The following CLVS1 variants were observed in gnomAD, a reference collection of about 807,000 sequenced individuals.
CLVS1 encodes clavesin 1.
CLVS1 carries 10 observed loss-of-function variants against 33.1 expected under a neutral mutation model. The observed-to-expected ratio is 0.30, with a 90% CI of 0.19 to 0.51. The LOEUF is 0.51. Among genes scored for constraint, CLVS1 ranks in the 20% least tolerant of loss-of-function variants. The pLI is 0.97. For synonymous variants in CLVS1, 163 were observed against 166.1 expected (o/e 0.98, Z 0.14); for missense variants, 343 against 433.4 (o/e 0.79, Z 1.85).
intron 3 of CLVS1, among the ~76,000 whole-genome samples, chr8:61,446,041 T>C (rs1286902358): frequency 1.3e-5 from 2 of 152,174 alleles, no homozygotes; most frequent in African/African-American, 4.8e-5. Context: ...ATTTGTGACT[T>C]CTTTTTTTGT....
chr8:61,199,251 A>G (rs1015918350), intron 2 of CLVS1, among the ~76,000 whole-genome samples: 1 of 152,248 alleles, frequency 6.6e-6, no homozygotes, highest in Non-Finnish European at 1.5e-5. Flanking sequence ...CCAAAAATAA[A>G]TAAATGAGAC....
intron 2 of CLVS1, among the ~76,000 whole-genome samples, chr8:61,254,726 G>C (rs546303223): frequency 6.6e-6 from 1 of 152,134 alleles, no homozygotes; most frequent in Non-Finnish European, 1.5e-5. Flanking sequence ...AGCCAGGCAC[G>C]GGATATAATC....
At chr8:61,003,863 TATAG>T in the CLVS1 span, among the ~76,000 whole-genome samples, 1 of 152,058 alleles carries the variant, frequency 6.6e-6, no homozygotes, top group African/African-American at 2.4e-5. Context: ...CACAAGTAAA[TATAG>T]ATACACAATA....
intron 2 of CLVS1, among the ~76,000 whole-genome samples, chr8:61,248,892 C>T (rs994669938): frequency 2.6e-5 from 4 of 151,938 alleles, no homozygotes; most frequent in African/African-American, 7.3e-5. Context: ...AATGAGGGAT[C>T]GTCAACTATG....
At chr8:60,980,352 C>A in the CLVS1 span, among the ~76,000 whole-genome samples, 1 of 152,166 alleles carries the variant, frequency 6.6e-6, no homozygotes, top group Non-Finnish European at 1.5e-5. Flanking sequence ...TCTTTGAAAG[C>A]ATTTTATGTC....
intron 5 of CLVS1, among the ~76,000 whole-genome samples, chr8:61,487,237 C>T (rs887642692): frequency 6.6e-6 from 1 of 152,102 alleles, no homozygotes; most frequent in African/African-American, 2.4e-5. Flanking sequence ...TGGATGTTCC[C>T]TGGACTTGTT....
rs1585611442 is a variant in CLVS1, at chr8:61,102,042, G to T, written c.-242-29728G>T. Among the ~76,000 whole-genome samples, 3 of 152,002 alleles carry T rather than the reference G, an allele frequency of 2.0e-5. No homozygotes were observed. The South Asian group carries it at 6.2e-4, about 31-fold the overall frequency. On this transcript the variant is annotated intron_variant, in intron 1 of 2. Transcript: ENST00000522621. ...TGGGAAATGTGAGTTTTCCAACTTG[G>T]TTTTTTCTTTTCAAGACAGTTTTGA... is the stretch of plus-strand genomic sequence containing the variant.
intron 4 of CLVS1, 99 bp from the exon 5 acceptor site, chr8:61,458,208 G>A (rs1159993091): frequency 1.2e-6 from 1 of 806,696 alleles, no homozygotes; most frequent in Admixed American, 2.2e-5. Context: ...ATCACCAGCA[G>A]TGCATCCAAT....
intron 1 of CLVS1, among the ~76,000 whole-genome samples, chr8:61,105,945 C>T (rs1805529494): frequency 6.6e-6 from 1 of 152,166 alleles, no homozygotes; most frequent in African/African-American, 2.4e-5. Context: ...GTCTGTCTGC[C>T]TCCAGGGATC....
chr8:61,171,464 C>G (rs143806185), intron 2 of CLVS1, among the ~76,000 whole-genome samples: 1,531 of 152,166 alleles, frequency 0.01, 12 homozygotes, highest in Non-Finnish European at 0.015. Context: ...AGGAAGTGAT[C>G]AGAATGTAAA....
intron 2 of CLVS1, among the ~76,000 whole-genome samples, chr8:61,334,286 G>A (rs1272408985): frequency 1.3e-5 from 2 of 152,190 alleles, no homozygotes; most frequent in Non-Finnish European, 2.9e-5. Context: ...AACAAATTTG[G>A]TTAACAAGCA....
At chr8:61,474,875 C>T (rs1817859509) in intron 5 of CLVS1, among the ~76,000 whole-genome samples, 1 of 152,134 alleles carries the variant, frequency 6.6e-6, no homozygotes. Flanking sequence ...ATACATGTGC[C>T]ATGTTGGTGT....
In CLVS1 at chr8:61,071,696, T is replaced by C. The variant is rs144941948; in HGVS notation, c.-243+14466T>C. On this transcript the variant is annotated intron_variant, in intron 1 of 2. Transcript: ENST00000522621. ...ATGGTATCTTACGCCAAATTTCACC[T>C]GCCCTTTTCCTACCCAGTCACATAT... Among the ~76,000 whole-genome samples, 1,090 of 152,312 alleles carry C rather than the reference T, an allele frequency of 7.2e-3. 9 individuals are homozygous for C. The highest frequency in any genetic ancestry group is 0.025 in the African/African-American group (1,043 of 41,558).
rs112574350 is a variant in CLVS1 at position 61,379,511 on chromosome 8, C to T, written c.630+2732C>T. Among the ~76,000 whole-genome samples, 816 of 152,198 alleles carry T rather than the reference C, an allele frequency of 5.4e-3. 5 individuals carry two copies. Among genetic ancestry groups the T allele is most frequent in the African/African-American group, 0.018 (738 of 41,520 alleles). ...AAGGTCATTCTGGGTCAATCCTGCA[C>T]GTTGCATCACAGCATGGTTCCAGAA... On this transcript the variant is annotated intron_variant, in intron 3 of 5. Transcript: ENST00000325897.
rs149896028 is a variant in CLVS1, at chr8:61,422,155, G to A, written c.631-31986G>A. ...TTTAAAGGCCCTCAAAAGTAGAGTGGATTACATTCAACTTTCTAATTAGAA... is the reference window on the plus strand; with the variant it reads ...TTTAAAGGCCCTCAAAAGTAGAGTGAATTACATTCAACTTTCTAATTAGAA... On this transcript the variant is annotated intron_variant, in intron 3 of 5. Transcript: ENST00000325897. Among the ~76,000 whole-genome samples the A allele has an allele frequency of 4.6e-4, 70 of 151,572 alleles. No homozygotes were observed. In the East Asian group the frequency reaches 0.011, roughly 24 times the overall value.
At chr8:61,214,550 C>CACAGGGAA (rs1808045019) in intron 2 of CLVS1, among the ~76,000 whole-genome samples, 1 of 152,132 alleles carries the variant, frequency 6.6e-6, no homozygotes. Context: ...AGGGAGAAGG[C>CACAGGGAA]AGCCATCTAA....
At chr8:61,011,696 C>T in the CLVS1 span, among the ~76,000 whole-genome samples, 1 of 152,164 alleles carries the variant, frequency 6.6e-6, no homozygotes, top group Non-Finnish European at 1.5e-5. Context: ...ATTCACCCAC[C>T]TCGGAGTCCC....
chr8:61,294,048 A>G (rs1216895210), intron 1 of CLVS1, among the ~76,000 whole-genome samples: 2 of 152,154 alleles, frequency 1.3e-5, no homozygotes, highest in Non-Finnish European at 2.9e-5. Context: ...CTTTCTGATC[A>G]TGACAACAAT....
chr8:61,215,623 A>G (rs1169901548), intron 2 of CLVS1, among the ~76,000 whole-genome samples: 3 of 151,882 alleles, frequency 2.0e-5, no homozygotes, highest in Non-Finnish European at 4.4e-5. Context: ...TTGAAGCCCC[A>G]TATTTCCTCC....
Sources: allele counts gnomAD v4.1 joint callset (sites outside exome capture counted in the v4.1 genomes callset), GRCh38; gene constraint gnomAD v4.1.1; transcripts MANE v1.5; gene names NCBI Gene and HGNC (gene_info 2026-07-23, HGNC 2026-07-21).